PTH1R: variants seen among roughly 807,000 people sequenced by gnomAD.
The protein encoded by PTH1R is parathyroid hormone/parathyroid hormone-related peptide receptor.
In PTH1R, 32 loss-of-function variants were observed where a neutral mutation model predicts 70.7. The ratio of observed to expected loss-of-function variants is 0.45; its 90% CI spans 0.34 to 0.61. The LOEUF is 0.61. PTH1R is among the 20% of genes least tolerant of loss of function. PTH1R has a pLI of 0.01. For missense variants in PTH1R, 626 were observed against 792.5 expected (o/e 0.79, Z 2.52); for synonymous variants, 329 against 324.8 (o/e 1.01, Z -0.14).
rs752002569 is a variant in PTH1R at position 46,899,478 on chromosome 3, C to T, written c.988+22C>T. 1.3e-5 allele frequency: 21 copies of T among 1,604,650 alleles called. No individual in the cohort carries two copies. In the East Asian group the frequency reaches 2.5e-4, roughly 19 times the overall value. On this transcript the variant is annotated intron_variant, in intron 10 of 15. Transcript: ENST00000449590. The stretch of plus-strand genomic sequence containing the variant: ...TGGGGTACGCGGGCACAGCGGGTAG[C>T]GAGGTGCCGGCAGGGGTGGGACCGT...
chr3:46,898,899 G>T (rs928347158), intron 9 of PTH1R, 42 bp downstream of exon 9: 10 of 1,373,874 alleles, frequency 7.3e-6, no homozygotes, highest in Non-Finnish European at 9.7e-6. Flanking sequence ...GCCGCCACTG[G>T]CCTCGTGGGG....
intron 3 of PTH1R, among the ~76,000 whole-genome samples, chr3:46,885,551 C>A (rs1228945946): frequency 6.6e-6 from 1 of 151,976 alleles, no homozygotes; most frequent in East Asian, 1.9e-4. Flanking sequence ...GTACCCAGAG[C>A]CCCACTGCTC....
chr3:46,887,930 G>A (rs1319118443), intron 3 of PTH1R, among the ~76,000 whole-genome samples: 1 of 152,186 alleles, frequency 6.6e-6, no homozygotes, highest in Non-Finnish European at 1.5e-5. Context: ...ATGCCCTCTA[G>A]TGTCCCCATG....
At chr3:46,897,771 A>T in intron 5 of PTH1R, 84 bp from the exon 6 acceptor site, 1 of 1,220,938 alleles carries the variant, frequency 8.2e-7, no homozygotes, top group Non-Finnish European at 1.2e-6. Flanking sequence ...CAAACAAACC[A>T]CAGATGTATT....
At position 46,892,585 on chromosome 3, in the gene PTH1R, G is replaced by A; in HGVS notation, c.76-1322G>A. The A allele has an allele frequency of 3.7e-6, 1 of 269,548 alleles. No homozygotes were observed. The highest frequency in any genetic ancestry group is 5.8e-6 in the Non-Finnish European group (1 of 173,146). The allele number at this position is 269,548 out of a possible 1,614,324, so 16.7% of individuals were successfully genotyped here. On this transcript the variant is annotated intron_variant, in intron 3 of 15. Transcript: ENST00000449590. This position sits in a 1 kb window ranked among gnomAD's most constrained non-coding sequence, Gnocchi z 5.2. ...GGCCCTGGAAGCCCTCGCTGCTGCC[G>A]CCAAGAGACGCGGTCAATTAACTTC...
rs182650085 is a variant in PTH1R, at chr3:46,879,589, A to T, written c.-105-1473A>T. Among the ~76,000 whole-genome samples the T allele has an allele frequency of 9.7e-3, 1,474 of 152,150 alleles. 9 individuals are homozygous for T. The highest frequency in any genetic ancestry group is 0.015 in the South Asian group (73 of 4,828). On this transcript the variant is annotated intron_variant, in intron 1 of 15. Transcript: ENST00000449590. The surrounding 1 kb of genome is among the most constrained non-coding windows in gnomAD (Gnocchi z 4.7). ...GAGACCTCGTCTCTACAAAAAAAAAATTTTTTAATTACCCAGGTGTGGTAG... is the reference window on the plus strand; with the variant it reads ...GAGACCTCGTCTCTACAAAAAAAAATTTTTTTAATTACCCAGGTGTGGTAG...
In PTH1R at chr3:46,883,896, G is replaced by A. The variant is rs1237202178; in HGVS notation, c.75+262G>A. ...TGTGGTTGAGTTTTCACCATCCTCT[G>A]CTTCTGTGAGCACCATGGCTGTTTC... On this transcript the variant is annotated intron_variant, in intron 3 of 15. Coordinates refer to ENST00000449590, the MANE Select transcript of PTH1R (RefSeq NM_000316.3). The surrounding 1 kb of genome is among the most constrained non-coding windows in gnomAD (Gnocchi z 6.4). Among the ~76,000 whole-genome samples the A allele has an allele frequency of 6.6e-6, 1 of 152,226 alleles. No individual in the cohort carries two copies. The highest frequency in any genetic ancestry group is 2.4e-5 in the African/African-American group (1 of 41,474).
Position 46,898,498 on chromosome 3 carries a change from C to T in PTH1R, c.638+26C>T, listed in dbSNP as rs199629437. 4 of 1,544,602 alleles carry T rather than the reference C, an allele frequency of 2.6e-6. No individual in the cohort carries two copies. In the Admixed American group the frequency reaches 5.0e-5, roughly 19 times the overall value. ...GTGGGCGGGGCGGGGCGAGAGGCGG[C>T]GGGACATGGTGGAGGGGGGGCGGTG... On this transcript the variant is annotated intron_variant, in intron 8 of 15. Coordinates refer to ENST00000449590, the MANE Select transcript of PTH1R (RefSeq NM_000316.3).
rs2030785819 is a variant in PTH1R, at chr3:46,883,385, G to A, written c.-48-127G>A. The A allele has an allele frequency of 6.2e-6, 1 of 162,032 alleles. No individual in the cohort carries two copies. Among genetic ancestry groups the A allele is most frequent in the Non-Finnish European group, 1.2e-5 (1 of 80,172 alleles). The allele number at this position is 162,032 out of a possible 1,614,324, so 10.0% of individuals were successfully genotyped here. ...TGCTCGCTCGCTCGCTCGCTCGCTC[G>A]CCCTCAGCGCATGGGCCCCGCGCCG... is the stretch of plus-strand genomic sequence containing the variant. On this transcript the variant is annotated intron_variant, in intron 2 of 15. Coordinates refer to ENST00000449590, the MANE Select transcript of PTH1R (RefSeq NM_000316.3). This position sits in a 1 kb window ranked among gnomAD's most constrained non-coding sequence, Gnocchi z 6.4.
intron 9 of PTH1R, 91 bp from the exon 10 acceptor site, chr3:46,899,212 T>A: frequency 1.3e-6 from 2 of 1,566,402 alleles, no homozygotes. Flanking sequence ...CCGGCACCAC[T>A]TGTCCTCTCC....
intron 3 of PTH1R, among the ~76,000 whole-genome samples, chr3:46,886,966 G>A (rs1293004310): frequency 3.9e-5 from 6 of 152,116 alleles, no homozygotes; most frequent in African/African-American, 7.2e-5. Flanking sequence ...AATCATGGCC[G>A]AGTGCAGTGG....
chr3:46,881,495 C>T (rs1022626636), intron 2 of PTH1R, among the ~76,000 whole-genome samples: 2 of 152,084 alleles, frequency 1.3e-5, no homozygotes, highest in African/African-American at 2.4e-5. Context: ...TGGATTGAGC[C>T]CCAGGTCTGG....
chr3:46,900,963 G>A, intron 10 of PTH1R, 62 bp from the exon 11 acceptor site: 5 of 1,526,186 alleles, frequency 3.3e-6, no homozygotes, highest in Admixed American at 2.0e-5. Context: ...CGAGGATGAG[G>A]GGGGAATGAC....
Position 46,879,200 on chromosome 3 carries a change from C to T in PTH1R, c.-106+1357C>T, listed in dbSNP as rs1361690178. Among the ~76,000 whole-genome samples the T allele has an allele frequency of 6.6e-6, 1 of 152,106 alleles. No homozygotes were observed. Among genetic ancestry groups the T allele is most frequent in the Non-Finnish European group, 1.5e-5 (1 of 68,010 alleles). ...GCAGGAGGAATGCCCTTAAGGGACCCAGCACCCATCAGATTCCTCTCTGCA... is the reference window on the plus strand; with the variant it reads ...GCAGGAGGAATGCCCTTAAGGGACCTAGCACCCATCAGATTCCTCTCTGCA... On this transcript the variant is annotated intron_variant, in intron 1 of 15. Coordinates refer to ENST00000449590, the MANE Select transcript of PTH1R (RefSeq NM_000316.3). This position sits in a 1 kb window ranked among gnomAD's most constrained non-coding sequence, Gnocchi z 4.7.
chr3:46,880,054 A>G (rs143198959), intron 1 of PTH1R, among the ~76,000 whole-genome samples: 103 of 152,364 alleles, frequency 6.8e-4, no homozygotes, highest in South Asian at 2.9e-3. Context: ...AAACAGAGGC[A>G]TAATAAAGCT....
intron 3 of PTH1R, among the ~76,000 whole-genome samples, chr3:46,885,466 C>T (rs2030955754): frequency 6.6e-6 from 1 of 152,156 alleles, no homozygotes; most frequent in Non-Finnish European, 1.5e-5. Context: ...TTTAACTGGC[C>T]CGAATCACAC....
At chr3:46,898,903 C>A in intron 9 of PTH1R, 46 bp downstream of exon 9, 1 of 1,341,898 alleles carries the variant, frequency 7.5e-7, no homozygotes, top group Non-Finnish European at 9.9e-7. Flanking sequence ...CCACTGGCCT[C>A]GTGGGGCCCC....
At chr3:46,889,129 T>C (rs1438533132) in intron 3 of PTH1R, among the ~76,000 whole-genome samples, 1 of 152,162 alleles carries the variant, frequency 6.6e-6, no homozygotes, top group Admixed American at 6.5e-5. Flanking sequence ...GGAGGAGGGC[T>C]GTAGGAAGGC....
In PTH1R at chr3:46,898,730, G is replaced by T; in HGVS notation, c.707G>T (p.Ser236Ile). 1 of 1,610,946 alleles carries T rather than the reference G, an allele frequency of 6.2e-7. No homozygotes were observed. Residue 236 changes from serine to isoleucine, a missense_variant, in exon 9 of 16, where the codon AGC (serine) becomes ATC (isoleucine). Physicochemically the swap from Ser to Ile is moderately radical, Grantham distance 142 (BLOSUM62 -2). Transcript: ENST00000449590. ...CTGTCCTTCATGCTGCGCGCCGTGA[G>T]CATCTTCGTCAAGGACGCTGTGCTC... ...LFLSFMLRAV[S>I]IFVKDAVLYS...
Sources: gnomAD v4.1 joint callset for allele counts (sites outside exome capture counted in the v4.1 genomes callset) on GRCh38, gnomAD v4.1.1 for gene constraint, Gnocchi (gnomAD v3.1) non-coding constraint, MANE v1.5 for transcripts, NCBI Gene and HGNC (gene_info 2026-07-23, HGNC 2026-07-21) for gene names.